The following FBXO34 variants were observed in gnomAD, a reference collection of about 807,000 sequenced individuals.
FBXO34 encodes the protein F-box protein 34, also known as F-box only protein 34.
Under a neutral mutation model 24.5 loss-of-function variants are expected in FBXO34, and 12 were observed. The ratio of observed to expected loss-of-function variants is 0.49; its 90% CI spans 0.31 to 0.79. FBXO34 has a LOEUF of 0.79. FBXO34 is among the 30% of genes least tolerant of loss of function. The pLI, the probability that FBXO34 is intolerant of heterozygous loss-of-function variation, is 0.04. For missense variants in FBXO34, 823 were observed against 857.7 expected (o/e 0.96, Z 0.51); for synonymous variants, 320 against 311.9 (o/e 1.03, Z -0.27).
At chr14:55,319,924 A>G (rs1434189561) in intron 1 of FBXO34, among the ~76,000 whole-genome samples, 1 of 152,168 alleles carries the variant, frequency 6.6e-6, no homozygotes, top group Non-Finnish European at 1.5e-5. Context: ...TACCCACCTC[A>G]GCCTCCTAAA....
At chr14:55,298,620 C>T (rs923710854) in intron 1 of FBXO34, 20 of 1,220,630 alleles carry the variant, frequency 1.6e-5, no homozygotes, top group Admixed American at 2.4e-5. Flanking sequence ...CCGGAGCGGG[C>T]GTTGAAGGCT....
intron 1 of FBXO34, among the ~76,000 whole-genome samples, chr14:55,290,313 AC>A (rs1201293676): frequency 1.3e-5 from 2 of 151,776 alleles, no homozygotes; most frequent in South Asian, 2.1e-4. Flanking sequence ...AATCGTTTCA[AC>A]CCGGGAGGTG....
the FBXO34 span, chr14:55,414,232 G>C: frequency 4.9e-6 from 3 of 615,794 alleles, no homozygotes; most frequent in African/African-American, 5.6e-5. Context: ...ATTTTTCTTC[G>C]TTTCTTAGGT....
chr14:55,289,455 C>T (rs914127631), intron 1 of FBXO34, among the ~76,000 whole-genome samples: 3 of 152,156 alleles, frequency 2.0e-5, no homozygotes, highest in Middle Eastern at 3.2e-3. Flanking sequence ...CACTTTACCC[C>T]TCTCTGGAAG....
At chr14:55,381,919 ACTCT>A in the FBXO34 span, 29 of 1,536,100 alleles carry the variant, frequency 1.9e-5, 1 homozygote, top group South Asian at 3.4e-5. Flanking sequence ...TTTACCTATA[ACTCT>A]CTCTATATAT....
the FBXO34 span, among the ~76,000 whole-genome samples, chr14:55,419,279 AC>A: frequency 2.0e-5 from 3 of 152,360 alleles, no homozygotes; most frequent in African/African-American, 7.2e-5. Context: ...AGGTGAGGAA[AC>A]TTAGGTATAA....
chr14:55,414,247 TAC>T, the FBXO34 span: 2 of 680,164 alleles, frequency 2.9e-6, no homozygotes, highest in Non-Finnish European at 5.0e-6. Flanking sequence ...TTAGGTTACT[TAC>T]ACAGAGTCGC....
At chr14:55,326,166 G>T (rs1034433326) in intron 1 of FBXO34, 6 of 152,180 alleles carry the variant, frequency 3.9e-5, no homozygotes, top group African/African-American at 1.4e-4. Flanking sequence ...TTGAGGTTCT[G>T]TCATATTACA....
downstream of FBXO34, among the ~76,000 whole-genome samples, chr14:55,364,249 A>G (rs979254638): frequency 6.6e-6 from 1 of 151,408 alleles, no homozygotes; most frequent in Admixed American, 6.6e-5. Context: ...ACGCCCAGCT[A>G]ATTTTCTCTT....
the FBXO34 span, among the ~76,000 whole-genome samples, chr14:55,430,825 A>G: frequency 6.6e-6 from 1 of 152,228 alleles, no homozygotes; most frequent in Non-Finnish European, 1.5e-5. Context: ...GCAGTAAAAT[A>G]AACTGTTTCC....
At chr14:55,296,398 T>G (rs113297583) in intron 1 of FBXO34, among the ~76,000 whole-genome samples, 106 of 118,106 alleles carry the variant, frequency 9.0e-4, no homozygotes, top group East Asian at 2.2e-3. Context: ...TTTGTTTTTT[T>G]TTTTTTTTTT....
chr14:55,284,472 A>G (rs570841459), intron 1 of FBXO34, among the ~76,000 whole-genome samples: 7,372 of 142,386 alleles, frequency 0.052, 278 homozygotes, highest in South Asian at 0.073. Flanking sequence ...AGGTTGTGCC[A>G]TTGCACTCCA....
the FBXO34 span, chr14:55,436,861 G>T: frequency 6.8e-6 from 11 of 1,614,162 alleles, no homozygotes; most frequent in Non-Finnish European, 8.5e-6. Flanking sequence ...AACTTCATCT[G>T]GTAGGAAGCT....
At chr14:55,314,863 C>T (rs561355021) in intron 1 of FBXO34, among the ~76,000 whole-genome samples, 10 of 152,304 alleles carry the variant, frequency 6.6e-5, no homozygotes, top group African/African-American at 1.9e-4. Flanking sequence ...GTCAGTCTTT[C>T]TCCCACTTCA....
At chr14:55,311,781 G>A (rs1413618183) in intron 1 of FBXO34, among the ~76,000 whole-genome samples, 1 of 151,986 alleles carries the variant, frequency 6.6e-6, no homozygotes, top group Non-Finnish European at 1.5e-5. Flanking sequence ...AGGCTGGAGT[G>A]CAGTGGCATA....
chr14:55,351,897 A>G lies in FBXO34; in HGVS notation c.1507A>G (p.Lys503Glu), dbSNP rs747585150. ...DYSQLNESTT[K>E]ESSEASQLED... ...TTCCCAGTTGAATGAAAGCACAACA[A>G]AAGAGTCTTCAGAGGCCAGCCAGCT... Residue 503 changes from lysine (K) to glutamate (E), a missense_variant, in exon 2 of 2, where the codon AAA becomes GAA. Physicochemically the swap from Lys to Glu is moderately conservative, Grantham distance 56. Around this residue, in one of 2 missense-constraint regions of FBXO34, gnomAD observed 693 missense variants for 659.1 expected, o/e 1.05. Transcript: ENST00000313833. 8 of 1,614,186 alleles carry G rather than the reference A, an allele frequency of 5.0e-6. No homozygotes were observed. The South Asian group carries it at 6.6e-5, about 13-fold the overall frequency.
downstream of FBXO34, among the ~76,000 whole-genome samples, chr14:55,362,555 G>C (rs952135844): frequency 6.6e-6 from 1 of 152,182 alleles, no homozygotes; most frequent in Non-Finnish European, 1.5e-5. Flanking sequence ...AAAAAAGAAT[G>C]TAAAATGTCT....
chr14:55,413,254 C>G, the FBXO34 span, among the ~76,000 whole-genome samples: 1 of 152,164 alleles, frequency 6.6e-6, no homozygotes, highest in Non-Finnish European at 1.5e-5. Flanking sequence ...GGATCCTTCA[C>G]AGTGCTTAAT....
Position 55,352,787 on chromosome 14 carries a change from T to C in FBXO34, c.*261T>C. 2.5e-6 allele frequency: 1 copy of C among 395,944 alleles called. No homozygotes were observed. 24.5% of individuals were successfully genotyped at this position (395,944 alleles called of 1,614,324 possible). A position where few individuals can be genotyped will look rare whatever the true frequency, so the allele number is the denominator to read the frequency against. On this transcript the variant is annotated 3_prime_UTR_variant, in exon 2 of 2. Coordinates refer to ENST00000313833, the MANE Select transcript of FBXO34 (RefSeq NM_017943.4). ...TCAGTTGGCTGTGAATAACTGCCTG[T>C]TTTCCTAAATCAAACCCATCCTCAA...
Sources: gnomAD v4.1 joint callset for allele counts (sites outside exome capture counted in the v4.1 genomes callset) on GRCh38, gnomAD v4.1.1 for gene constraint, gnomAD v4.1.1 regional missense constraint, MANE v1.5 for transcripts, NCBI Gene and HGNC (gene_info 2026-07-23, HGNC 2026-07-21) for gene names.